Variants in COL14A1 observed in about 807,000 individuals in gnomAD.
The protein encoded by COL14A1 is collagen alpha-1(XIV) chain.
Under a neutral mutation model 230.3 loss-of-function variants are expected in COL14A1, and 136 were observed. The ratio of observed to expected loss-of-function variants is 0.59; its 90% CI spans 0.51 to 0.68. The LOEUF is 0.68. Ranked by LOEUF, COL14A1 falls within the 30% of genes least tolerant of loss-of-function variation. The probability of loss-of-function intolerance (pLI) is 0.00; values close to 1 mark genes in which losing one functional copy is unlikely to be tolerated. For synonymous variants in COL14A1, 792 were observed against 784.1 expected (o/e 1.01, Z -0.17); for missense variants, 1,976 against 2,215.8 (o/e 0.89, Z 2.17).
At position 120,180,731 on chromosome 8, in the gene COL14A1, G is replaced by A. The variant is rs1290942393; in HGVS notation, c.436+12484G>A. Among the ~76,000 whole-genome samples the A allele has an allele frequency of 6.5e-5, 8 of 122,822 alleles. No homozygotes were observed. The Admixed American group carries it at 7.8e-4, about 12-fold the overall frequency. 80.6% of individuals were successfully genotyped at this position (122,822 alleles called of 152,430 possible). A position where few individuals can be genotyped will look rare whatever the true frequency, so the allele number is the denominator to read the frequency against. ...TTTTTTTTTTTTTTTTTTTTGAGACGGAGTCTCGGTCTGTTTCCCAGGCTG... is the reference window on the plus strand; with the variant it reads ...TTTTTTTTTTTTTTTTTTTTGAGACAGAGTCTCGGTCTGTTTCCCAGGCTG... On this transcript the variant is annotated intron_variant, in intron 5 of 47. Coordinates refer to ENST00000297848, the MANE Select transcript of COL14A1 (RefSeq NM_021110.4).
At chr8:120,211,085 G>A (rs751608916) in intron 12 of COL14A1, among the ~76,000 whole-genome samples, 5 of 152,088 alleles carry the variant, frequency 3.3e-5, no homozygotes, top group Middle Eastern at 3.2e-3. Context: ...AACTGCTGGC[G>A]GGCATATAGA....
At chr8:120,224,262 A>C (rs899575141) in intron 14 of COL14A1, among the ~76,000 whole-genome samples, 3 of 151,850 alleles carry the variant, frequency 2.0e-5, no homozygotes, top group Non-Finnish European at 2.9e-5. Context: ...CCCAACCTCA[A>C]GTGATCTACC....
intron 25 of COL14A1, among the ~76,000 whole-genome samples, chr8:120,267,732 A>G (rs16893798): frequency 0.025 from 3,850 of 151,956 alleles, 157 homozygotes; most frequent in African/African-American, 0.087. Flanking sequence ...AAAGAATGAC[A>G]GTAGAGTTAT....
At chr8:120,218,947 T>C (rs147373327) in intron 14 of COL14A1, among the ~76,000 whole-genome samples, 1 of 152,038 alleles carries the variant, frequency 6.6e-6, no homozygotes, top group African/African-American at 2.4e-5. Flanking sequence ...TATTCCCCAA[T>C]AAATATTTGT....
At chr8:120,249,072 G>A (rs1218349075) in intron 21 of COL14A1, among the ~76,000 whole-genome samples, 3 of 146,920 alleles carry the variant, frequency 2.0e-5, no homozygotes, top group Non-Finnish European at 4.5e-5. Context: ...GACTACAGGC[G>A]CCCGCCACCA....
intron 19 of COL14A1, among the ~76,000 whole-genome samples, chr8:120,237,396 C>A (rs944762141): frequency 6.6e-6 from 1 of 152,144 alleles, no homozygotes; most frequent in Non-Finnish European, 1.5e-5. Flanking sequence ...TTCACTTGAT[C>A]AATTTGGCTA....
chr8:120,306,193 T>C (rs896647195), intron 36 of COL14A1, among the ~76,000 whole-genome samples: 2 of 152,150 alleles, frequency 1.3e-5, no homozygotes, highest in African/African-American at 4.8e-5. Context: ...TACAGTAGTG[T>C]TTTAGCCAGC....
rs3030325 is a variant in COL14A1, at chr8:120,177,694, C to CTATA, written c.436+9462_436+9465dup. Among the ~76,000 whole-genome samples, 482 of 129,362 alleles carry CTATA rather than the reference C, an allele frequency of 3.7e-3. 1 individual carries two copies. Among genetic ancestry groups the CTATA allele is most frequent in the African/African-American group, 0.011 (391 of 34,964 alleles). The allele number at this position is 129,362 out of a possible 152,430, so 84.9% of individuals were successfully genotyped here. On this transcript the variant is annotated intron_variant, in intron 5 of 47. Coordinates refer to ENST00000297848, the MANE Select transcript of COL14A1 (RefSeq NM_021110.4). ...AAAAGACTGTATACATATAAAAAGACTATATATATATATATATACATACAC... is the reference window on the plus strand; with the variant it reads ...AAAAGACTGTATACATATAAAAAGACTATATATATATATATATATATACATACAC...
At chr8:120,335,523 C>T (rs1460034455) in intron 42 of COL14A1, among the ~76,000 whole-genome samples, 3 of 152,146 alleles carry the variant, frequency 2.0e-5, no homozygotes, top group Non-Finnish European at 4.4e-5. Context: ...TGCTTGCTGG[C>T]GGCCAGACTG....
Position 120,128,228 on chromosome 8 carries a change from C to CGCGTGT in COL14A1, c.-38+2889_-38+2890insCGTGTG, listed in dbSNP as rs1371704696. Reference sequence around the variant, plus strand: ...ACGTGTGTGTGTGTGTGTGCGCGCGCGTGTGTGTGTGTGTGTGTGTGTGTG... The same window carrying CGCGTGT: ...ACGTGTGTGTGTGTGTGTGCGCGCGCGCGTGTGTGTGTGTGTGTGTGTGTGTGTGTG... On this transcript the variant is annotated intron_variant, in intron 1 of 47. Transcript: ENST00000297848. Among the ~76,000 whole-genome samples, 1,098 of 146,768 alleles carry CGCGTGT rather than the reference C, an allele frequency of 7.5e-3. 6 individuals carry two copies. Among genetic ancestry groups the CGCGTGT allele is most frequent in the Middle Eastern group, 0.045 (13 of 288 alleles).
intron 42 of COL14A1, among the ~76,000 whole-genome samples, chr8:120,336,567 G>A (rs1275971864): frequency 6.6e-6 from 1 of 152,078 alleles, no homozygotes; most frequent in Non-Finnish European, 1.5e-5. Flanking sequence ...CCATTCCCCA[G>A]CTGCCAGAAC....
Position 120,314,028 on chromosome 8 carries a change from G to A in COL14A1, c.4551+1G>A, listed in dbSNP as rs1330163405. On this transcript the variant is annotated splice_donor_variant, in intron 38 of 47. Coordinates refer to ENST00000297848, the MANE Select transcript of COL14A1 (RefSeq NM_021110.4). LOFTEE classifies it high-confidence loss of function. ...TGGTCTGTCCATTCAAGGAATGCCC[G>A]TGAGTTGTGTTCAAACATTCAGACG... 4 of 1,598,426 alleles carry A rather than the reference G, an allele frequency of 2.5e-6. No individual in the cohort carries two copies. Among genetic ancestry groups the A allele is most frequent in the Non-Finnish European group, 3.4e-6 (4 of 1,169,962 alleles).
intron 21 of COL14A1, among the ~76,000 whole-genome samples, chr8:120,249,374 A>G (rs1006049521): frequency 6.6e-6 from 1 of 152,138 alleles, no homozygotes; most frequent in Non-Finnish European, 1.5e-5. Flanking sequence ...TATAACTAGG[A>G]AAATAAAACA....
chr8:120,216,145 A>C (rs545660103), intron 13 of COL14A1, among the ~76,000 whole-genome samples: 5 of 152,246 alleles, frequency 3.3e-5, no homozygotes, highest in African/African-American at 7.2e-5. Context: ...ACTGCTATTT[A>C]TTCTCTACAA....
intron 44 of COL14A1, 33 bp from the exon 45 acceptor site, chr8:120,345,342 C>T (rs1233351528): frequency 6.6e-7 from 1 of 1,526,412 alleles, no homozygotes; most frequent in Non-Finnish European, 8.7e-7. Flanking sequence ...TGTGACAGTT[C>T]ACTGAATGCT....
At position 120,369,473 on chromosome 8, in the gene COL14A1, T is replaced by C; in HGVS notation, c.5299T>C (p.Tyr1767His). The C allele has an allele frequency of 6.3e-7, 1 of 1,591,248 alleles. No homozygotes were observed. The highest frequency in any genetic ancestry group is 8.6e-7 in the Non-Finnish European group (1 of 1,168,204). The change falls in exon 47 of 48, where the codon TAT becomes CAT. Residue 1767 changes from tyrosine (Y) to histidine (H), a missense_variant. By Grantham distance (83) the Tyr-to-His change is moderately conservative (BLOSUM62 2). Around this residue, in one of 3 missense-constraint regions of COL14A1, gnomAD observed 1,791 missense variants for 2,019.5 expected, o/e 0.89. Coordinates refer to ENST00000297848, the MANE Select transcript of COL14A1 (RefSeq NM_021110.4). ...GYCDPSSCSA[Y>H]GVRAPHPDQP... ...TTGTGACCCCTCATCATGTTCTGCC[T>C]ATGGTGTGAGAGGTAAGTGTCACAA...
intron 23 of COL14A1, among the ~76,000 whole-genome samples, chr8:120,261,315 C>T (rs1171658967): frequency 1.3e-5 from 2 of 152,112 alleles, no homozygotes; most frequent in African/African-American, 4.8e-5. Context: ...TTAGTTTCTT[C>T]TCTTTAAATT....
At chr8:120,153,001 C>G (rs1452977312) in intron 2 of COL14A1, among the ~76,000 whole-genome samples, 1 of 152,118 alleles carries the variant, frequency 6.6e-6, no homozygotes, top group African/African-American at 2.4e-5. Context: ...ATTTTCCTTA[C>G]AGCTGTTTTC....
chr8:120,307,808 A>C lies in COL14A1; in HGVS notation c.4402-2201A>C, dbSNP rs1051959527. Among the ~76,000 whole-genome samples the C allele has an allele frequency of 4.6e-5, 7 of 152,350 alleles. No individual in the cohort carries two copies. The East Asian group carries it at 1.2e-3, about 25-fold the overall frequency. The stretch of plus-strand genomic sequence containing the variant: ...AAGGAAACAGGGACCCTCTTAAACT[A>C]TTGGCAGATCAATAAACTGGCACAG... On this transcript the variant is annotated intron_variant, in intron 36 of 47. Coordinates refer to ENST00000297848, the MANE Select transcript of COL14A1 (RefSeq NM_021110.4).
Sources: gnomAD v4.1 joint callset for allele counts (sites outside exome capture counted in the v4.1 genomes callset) on GRCh38, gnomAD v4.1.1 for gene constraint, gnomAD v4.1.1 regional missense constraint, MANE v1.5 for transcripts, NCBI Gene and HGNC (gene_info 2026-07-23, HGNC 2026-07-21) for gene names.